KDM1A: variants seen among roughly 807,000 people sequenced by gnomAD.
The protein encoded by KDM1A is lysine-specific histone demethylase 1A.
KDM1A carries 49 observed loss-of-function variants against 109.4 expected under a neutral mutation model. The observed-to-expected ratio is 0.45, with a 90% CI of 0.36 to 0.57. The LOEUF is 0.57. KDM1A is among the 20% of genes least tolerant of loss of function. KDM1A has a pLI of 0.00. For synonymous variants in KDM1A, 380 were observed against 415.4 expected, an observed-to-expected ratio of 0.91 and a Z score of 1.04; for missense variants, 668 against 1,116.6, an observed-to-expected ratio of 0.60 and a Z score of 5.73.
At chr1:23,036,383 C>T (rs565900606) in intron 2 of KDM1A, among the ~76,000 whole-genome samples, 62 of 152,160 alleles carry the variant, frequency 4.1e-4, no homozygotes, top group African/African-American at 1.4e-3. Context: ...TTTGAATTCT[C>T]ATTTTATGAA....
At chr1:23,059,045 G>A (rs963373669) in intron 8 of KDM1A, 28 bp from the exon 9 acceptor site, 2 of 1,484,536 alleles carry the variant, frequency 1.3e-6, no homozygotes, top group Admixed American at 1.9e-5. Flanking sequence ...TAGGTCTATT[G>A]AATTTAATTG....
chr1:23,047,630 A>G (rs548171476), intron 3 of KDM1A, among the ~76,000 whole-genome samples: 1 of 152,304 alleles, frequency 6.6e-6, no homozygotes, highest in South Asian at 2.1e-4. Flanking sequence ...GGCCAGGCGC[A>G]TTGGCTCATT....
chr1:23,077,491 T>C, intron 16 of KDM1A, 131 bp downstream of exon 16: 1 of 891,840 alleles, frequency 1.1e-6, no homozygotes, highest in South Asian at 2.2e-5. Context: ...TTGGCATTTA[T>C]AGACAGTTGA....
At chr1:23,034,035 A>G (rs528823854) in intron 2 of KDM1A, among the ~76,000 whole-genome samples, 17 of 152,302 alleles carry the variant, frequency 1.1e-4, no homozygotes, top group Admixed American at 1.1e-3. Context: ...GCACTTATAT[A>G]ATTGGAAGGA....
intron 9 of KDM1A, among the ~76,000 whole-genome samples, chr1:23,063,660 CT>C (rs1055501718): frequency 2.0e-5 from 3 of 152,248 alleles, no homozygotes; most frequent in African/African-American, 7.2e-5. Flanking sequence ...TTTTTGCCCC[CT>C]TAATTATAGT....
At chr1:23,061,370 T>C (rs1026479569) in intron 9 of KDM1A, among the ~76,000 whole-genome samples, 3 of 152,138 alleles carry the variant, frequency 2.0e-5, no homozygotes, top group African/African-American at 7.2e-5. Flanking sequence ...ACCTCATGTG[T>C]GGTTTTTAGC....
intron 18 of KDM1A, 130 bp from the exon 19 acceptor site, chr1:23,081,316 G>T (rs547016235): frequency 9.9e-7 from 1 of 1,011,204 alleles, no homozygotes; most frequent in Non-Finnish European, 1.5e-6. Flanking sequence ...CTGTCTCTTC[G>T]CATTTGAATG....
Position 23,019,607 on chromosome 1 carries a change from G to A in KDM1A, c.11G>A (p.Gly4Glu), listed in dbSNP as rs762089754. MLS[G>E]KKAAAAAAAA... ...GCCCGGCGGCCCGAGATGTTATCTG[G>A]GAAGAAGGCGGCAGCCGCGGCGGCG... is the stretch of plus-strand genomic sequence containing the variant. The change falls in exon 1 of 21, where the codon GGG becomes GAG. Residue 4 changes from glycine (G) to glutamate (E), a missense_variant. Coordinates refer to ENST00000400181, the MANE Select transcript of KDM1A (RefSeq NM_001009999.3). 7.0e-7 allele frequency: 1 copy of A among 1,428,118 alleles called. No individual in the cohort carries two copies. The highest frequency in any genetic ancestry group is 1.5e-5 in the South Asian group (1 of 65,718). The allele number at this position is 1,428,118 out of a possible 1,614,324, so 88.5% of individuals were successfully genotyped here.
At chr1:23,020,339 A>G (rs1641585759) in intron 1 of KDM1A, 1 of 162,114 alleles carries the variant, frequency 6.2e-6, no homozygotes, top group Admixed American at 6.4e-5. Context: ...CTGTTGGGCG[A>G]TATTGATGGC....
chr1:23,075,428 G>A (rs920694660), intron 15 of KDM1A, among the ~76,000 whole-genome samples: 24 of 151,496 alleles, frequency 1.6e-4, no homozygotes, highest in Admixed American at 1.3e-4. Flanking sequence ...AAAATTAGCC[G>A]GGCATGGTGG....
intron 1 of KDM1A, among the ~76,000 whole-genome samples, chr1:23,028,689 C>G (rs1000141130): frequency 1.3e-5 from 2 of 152,008 alleles, no homozygotes; most frequent in Non-Finnish European, 2.9e-5. Flanking sequence ...GACTTCTCTC[C>G]CCCTTTGAAA....
In KDM1A at chr1:23,079,410, AAG is replaced by A; in HGVS notation, c.2056-142_2056-141del. 1 of 720,136 alleles carries A rather than the reference AAG, an allele frequency of 1.4e-6. No individual in the cohort carries two copies. The allele number at this position is 720,136 out of a possible 1,614,324, so 44.6% of individuals were successfully genotyped here. On this transcript the variant is annotated intron_variant, in intron 17 of 20. Transcript: ENST00000400181. This position sits in a 1 kb window ranked among gnomAD's most constrained non-coding sequence, Gnocchi z 5.6. ...CATTTCACAAACTCAGGCCTATAAA[AAG>A]GGGATCGTAAATGTCATCCTAAATA...
At chr1:23,076,680 A>C (rs1312178783) in intron 15 of KDM1A, among the ~76,000 whole-genome samples, 1 of 152,154 alleles carries the variant, frequency 6.6e-6, no homozygotes, top group Non-Finnish European at 1.5e-5. Flanking sequence ...GATAAAAACT[A>C]TCCAGGGAAG....
In KDM1A at chr1:23,019,899, A is replaced by G; in HGVS notation, c.303A>G (p.Ile101Met). The G allele has an allele frequency of 1.9e-6, 3 of 1,572,650 alleles. No individual in the cohort carries two copies. The highest frequency in any genetic ancestry group is 2.6e-6 in the Non-Finnish European group (3 of 1,161,986). Reference sequence around the variant, plus strand: ...CTGCGACCCCCATGGAAACTGGAATAGCAGAGACTCCGGAGGGGCGTCGGA... The same window carrying G: ...CTGCGACCCCCATGGAAACTGGAATGGCAGAGACTCCGGAGGGGCGTCGGA... Reference protein sequence around the residue: ...PGSATPMETGIAETPEGRRTS... With the variant: ...PGSATPMETGMAETPEGRRTS... The change falls in exon 1 of 21, where the codon ATA (isoleucine) becomes ATG (methionine). Residue 101 changes from isoleucine (I) to methionine (M), a missense_variant. Ile to Met is a conservative substitution (Grantham distance 10). Coordinates refer to ENST00000400181, the MANE Select transcript of KDM1A (RefSeq NM_001009999.3).
intron 2 of KDM1A, among the ~76,000 whole-genome samples, chr1:23,040,709 G>T (rs1642288822): frequency 6.6e-6 from 1 of 152,078 alleles, no homozygotes; most frequent in African/African-American, 2.4e-5. Flanking sequence ...GATCCCTTGA[G>T]CTCAGGAGTT....
At chr1:23,032,383 A>T in intron 2 of KDM1A, among the ~76,000 whole-genome samples, 1 of 150,744 alleles carries the variant, frequency 6.6e-6, no homozygotes, top group South Asian at 2.1e-4. Context: ...AATTTCATAA[A>T]CGTCAGGTAT....
At chr1:23,022,925 C>G (rs1049648554) in intron 1 of KDM1A, among the ~76,000 whole-genome samples, 3 of 152,184 alleles carry the variant, frequency 2.0e-5, no homozygotes, top group African/African-American at 7.2e-5. Flanking sequence ...TCCCAAAGTG[C>G]TGGGATTACA....
intron 2 of KDM1A, among the ~76,000 whole-genome samples, chr1:23,040,622 C>CAA (rs746000994): frequency 2.4e-4 from 25 of 102,872 alleles, no homozygotes; most frequent in African/African-American, 7.8e-4. Flanking sequence ...CTCGTCTCTA[C>CAA]AAAAAAAAAA....
chr1:23,049,233 A>G (rs754834122), intron 3 of KDM1A, among the ~76,000 whole-genome samples: 4 of 151,046 alleles, frequency 2.6e-5, no homozygotes, highest in Non-Finnish European at 5.9e-5. Context: ...CTTAAATGGT[A>G]TGGAATTTTG....
Sources: gnomAD v4.1 joint callset for allele counts (sites outside exome capture counted in the v4.1 genomes callset) on GRCh38, gnomAD v4.1.1 for gene constraint, Gnocchi (gnomAD v3.1) non-coding constraint, MANE v1.5 for transcripts, NCBI Gene and HGNC (gene_info 2026-07-23, HGNC 2026-07-21) for gene names.